RNU2-63P: variants seen among roughly 807,000 people sequenced by gnomAD.
The protein encoded by RNU2-63P is RNA, U2 small nuclear 63, pseudogene.
exon 1 of RNU2-63P, chr2:88,016,511 C>G (rs180849231): frequency 1.3e-5 from 2 of 152,274 alleles, no homozygotes; most frequent in Admixed American, 1.3e-4. Flanking sequence ...AGAACACACA[C>G]TACACTCAAT....
chr2:88,016,394 G>T (rs375646675), exon 1 of RNU2-63P: 32 of 66,714 alleles, frequency 4.8e-4, no homozygotes, highest in African/African-American at 1.4e-3. Context: ...ATACCAAATC[G>T]ATGCGTAGAC....
At chr2:88,016,541 A>C (rs940051174) in exon 1 of RNU2-63P, 1 of 152,226 alleles carries the variant, frequency 6.6e-6, no homozygotes, top group Non-Finnish European at 1.5e-5. Flanking sequence ...AACAGCAAAA[A>C]AGAGATACCA....
exon 1 of RNU2-63P, chr2:88,016,545 G>C (rs114084760): frequency 2.0e-5 from 3 of 152,212 alleles, no homozygotes; most frequent in Admixed American, 6.5e-5. Context: ...GCAAAAAAGA[G>C]ATACCAGTTA....
exon 1 of RNU2-63P, chr2:88,016,475 A>C (rs964355686): frequency 6.6e-6 from 1 of 152,172 alleles, no homozygotes; most frequent in African/African-American, 2.4e-5. Context: ...ATCAAACAGA[A>C]GAACATACCA....
exon 1 of RNU2-63P, chr2:88,016,508 A>T (rs1672700127): frequency 6.6e-6 from 1 of 152,310 alleles, no homozygotes; most frequent in South Asian, 2.1e-4. Context: ...ATAAGAACAC[A>T]CACTACACTC....
At chr2:88,016,401 A>T (rs1264270983) in exon 1 of RNU2-63P, 1 of 152,282 alleles carries the variant, frequency 6.6e-6, no homozygotes, top group East Asian at 1.9e-4. Flanking sequence ...ATCGATGCGT[A>T]GACTAGATAG....
exon 1 of RNU2-63P, chr2:88,016,469 A>T (rs1003169378): frequency 6.6e-6 from 1 of 152,194 alleles, no homozygotes; most frequent in African/African-American, 2.4e-5. Context: ...GCGTTCATCA[A>T]ACAGAAGAAC....
exon 1 of RNU2-63P, chr2:88,016,393 C>A (rs559351050): frequency 3.0e-5 from 1 of 33,166 alleles, no homozygotes; most frequent in Admixed American, 3.1e-4. Flanking sequence ...AATACCAAAT[C>A]GATGCGTAGA....
At chr2:88,016,371 T>A (rs770584677) in exon 1 of RNU2-63P, 2 of 23,960 alleles carry the variant, frequency 8.3e-5, no homozygotes, top group Non-Finnish European at 1.1e-4. Context: ...GCACCGTTTC[T>A]GGAAGTACTG....
chr2:88,016,542 A>T (rs764102630), exon 1 of RNU2-63P: 4 of 152,228 alleles, frequency 2.6e-5, no homozygotes, highest in African/African-American at 7.2e-5. Context: ...ACAGCAAAAA[A>T]GAGATACCAG....
At chr2:88,016,473 G>GGAGAACATACCAGATATTAAACTGAT (rs1672696525) in exon 1 of RNU2-63P, 1 of 152,068 alleles carries the variant, frequency 6.6e-6, no homozygotes, top group Admixed American at 6.6e-5. Flanking sequence ...TCATCAAACA[G>GGAGAACATACCAGATATTAAACTGAT]AAGAACATAC....
exon 1 of RNU2-63P, chr2:88,016,393 C>G (rs559351050): frequency 6.0e-5 from 2 of 33,166 alleles, no homozygotes; most frequent in African/African-American, 1.6e-4. Context: ...AATACCAAAT[C>G]GATGCGTAGA....
At chr2:88,016,506 A>G (rs1302089862) in exon 1 of RNU2-63P, 1 of 152,220 alleles carries the variant, frequency 6.6e-6, no homozygotes, top group Non-Finnish European at 1.5e-5. Flanking sequence ...TGATAAGAAC[A>G]CACACTACAC....
chr2:88,016,543 G>T (rs150847931), exon 1 of RNU2-63P: 3 of 152,152 alleles, frequency 2.0e-5, no homozygotes, highest in African/African-American at 7.2e-5. Flanking sequence ...CAGCAAAAAA[G>T]AGATACCAGT....
exon 1 of RNU2-63P, chr2:88,016,520 A>T (rs1028988648): frequency 6.6e-6 from 1 of 152,158 alleles, no homozygotes; most frequent in Non-Finnish European, 1.5e-5. Flanking sequence ...ACTACACTCA[A>T]TCATTAACCA....
exon 1 of RNU2-63P, chr2:88,016,393 C>CGATGCGTAGACTA (rs1316890253): frequency 3.3e-4 from 11 of 33,248 alleles, no homozygotes; most frequent in South Asian, 1.6e-3. Context: ...AATACCAAAT[C>CGATGCGTAGACTA]GATGCGTAGA....
chr2:88,016,360 T>A (rs1472133849), exon 1 of RNU2-63P: 1 of 23,578 alleles, frequency 4.2e-5, no homozygotes, highest in Non-Finnish European at 1.2e-4. Flanking sequence ...GGTTAGCAGG[T>A]GCACCGTTTC....
At chr2:88,016,504 A>T (rs1294075871) in exon 1 of RNU2-63P, 1 of 152,190 alleles carries the variant, frequency 6.6e-6, no homozygotes, top group African/African-American at 2.4e-5. Flanking sequence ...ACTGATAAGA[A>T]CACACACTAC....
Position 88,016,522 on chromosome 2 carries a change from C to G in RNU2-63P, n.26G>C, listed in dbSNP as rs958352374. ...GATAAGAACACACACTACACTCAAT[C>G]ATTAACCAAACAGCAAAAAAGAGAT... On this transcript the variant is annotated non_coding_transcript_exon_variant, in exon 1 of 1. Transcript: ENST00000410792. 2.0e-5 allele frequency: 3 copies of G among 152,216 alleles called. No individual in the cohort carries two copies. In the East Asian group the frequency reaches 5.8e-4, roughly 29 times the overall value. 9.4% of individuals were successfully genotyped at this position (152,216 alleles called of 1,614,324 possible).
Sources: gnomAD v4.1 joint callset for allele counts on GRCh38, gnomAD v4.1.1 for gene constraint, MANE v1.5 for transcripts, NCBI Gene and HGNC (gene_info 2026-07-23, HGNC 2026-07-21) for gene names.